FGD4: variants seen among roughly 807,000 people sequenced by gnomAD.
FGD4 encodes the protein FYVE, RhoGEF and PH domain containing 4, also known as FYVE, RhoGEF and PH domain-containing protein 4.
Under a neutral mutation model 102.0 loss-of-function variants are expected in FGD4, and 42 were observed. That is an observed-to-expected ratio of 0.41 (90% CI 0.32 to 0.53). The LOEUF (loss-of-function observed/expected upper bound fraction) is 0.53, where lower values mean the gene tolerates loss of function less well. Among genes scored for constraint, FGD4 ranks in the 20% least tolerant of loss-of-function variants. The probability of loss-of-function intolerance (pLI) is 0.21; values close to 1 mark genes in which losing one functional copy is unlikely to be tolerated. For missense variants in FGD4, 902 were observed against 1,078.2 expected (o/e 0.84, Z 2.29); for synonymous variants, 380 against 375.7 (o/e 1.01, Z -0.13).
At chr12:32,526,874 A>G (rs766946804) in intron 1 of FGD4, among the ~76,000 whole-genome samples, 2 of 152,214 alleles carry the variant, frequency 1.3e-5, no homozygotes, top group Non-Finnish European at 2.9e-5. Context: ...TCTTGAAGTC[A>G]GTGAGACCAA....
chr12:32,590,669 A>G (rs1329987875), intron 4 of FGD4, among the ~76,000 whole-genome samples: 1 of 152,176 alleles, frequency 6.6e-6, no homozygotes, highest in Admixed American at 6.5e-5. Flanking sequence ...TCATGATGGC[A>G]CAGCTTCCTC....
chr12:32,409,350 G>A (rs1253442306), intron 1 of FGD4, among the ~76,000 whole-genome samples: 3 of 143,118 alleles, frequency 2.1e-5, no homozygotes, highest in Non-Finnish European at 4.5e-5. Context: ...GTGCAATGGT[G>A]CGATCTCCGC....
chr12:32,462,631 G>A (rs1378716765), intron 1 of FGD4, among the ~76,000 whole-genome samples: 1 of 152,160 alleles, frequency 6.6e-6, no homozygotes, highest in East Asian at 1.9e-4. Flanking sequence ...ATGCCTTAGA[G>A]AAAAAGATAA....
In FGD4 at chr12:32,564,986, T is replaced by C. The variant is rs184852594; in HGVS notation, c.319+697T>C. On this transcript the variant is annotated intron_variant, in intron 2 of 16. Transcript: ENST00000534526. ...AAAGCTAAGCTACCCTACAGTTTAA[T>C]GTGTAGTTTCTTCCTTACAGATTTT... Among the ~76,000 whole-genome samples, 295 of 152,358 alleles carry C rather than the reference T, an allele frequency of 1.9e-3. 2 individuals carry two copies. Among genetic ancestry groups the C allele is most frequent in the African/African-American group, 6.9e-3 (286 of 41,586 alleles).
chr12:32,602,441 C>A, intron 7 of FGD4, 124 bp downstream of exon 7: 2 of 1,072,344 alleles, frequency 1.9e-6, no homozygotes, highest in Non-Finnish European at 2.8e-6. Flanking sequence ...CATTCTACTC[C>A]AAATTATGCA....
intron 5 of FGD4, chr12:32,600,588 C>CTTTTTTTTTTTTTTTTTTTTTTTTTT (rs1245510421): frequency 3.9e-6 from 1 of 256,624 alleles, no homozygotes; most frequent in African/African-American, 3.6e-5. Context: ...TTCTTTCTTT[C>CTTTTTTTTTTTTTTTTTTTTTTTTTT]TTTCTTTTTT....
Position 32,399,839 on chromosome 12 carries a change from CG to C in FGD4, c.48del (p.Lys17SerfsTer25). ...CAACTTCAGGCGGGTGGCGATCCGG[CG>C]GAAGTCCAACCCCTCCTACCTGCCG... is the stretch of plus-strand genomic sequence containing the variant. ...GSNFRRVAIR[R>X]KSNPSYLPPG... On this transcript the variant is annotated frameshift_variant, in exon 1 of 17. Coordinates refer to ENST00000534526, the MANE Select transcript of FGD4 (RefSeq NM_001370298.3). LOFTEE classifies it high-confidence loss of function. The C allele has an allele frequency of 1.3e-6, 2 of 1,531,506 alleles. No homozygotes were observed. The highest frequency in any genetic ancestry group is 1.7e-6 in the Non-Finnish European group (2 of 1,145,364). 94.9% of individuals were successfully genotyped at this position (1,531,506 alleles called of 1,614,324 possible).
chr12:32,565,502 G>A (rs1319794910), intron 2 of FGD4, among the ~76,000 whole-genome samples: 10 of 152,078 alleles, frequency 6.6e-5, no homozygotes, highest in East Asian at 3.8e-4. Flanking sequence ...CATTAGACCC[G>A]AGTTGACAAA....
chr12:32,462,716 G>C (rs1028061905), intron 1 of FGD4, among the ~76,000 whole-genome samples: 8 of 152,182 alleles, frequency 5.3e-5, no homozygotes, highest in South Asian at 2.1e-4. Flanking sequence ...CCAAGGGCCA[G>C]ATTCAAAGTG....
rs1187458075 is a variant in FGD4, at chr12:32,635,753, G to A, written c.2313+2064G>A. Among the ~76,000 whole-genome samples, 7 of 152,102 alleles carry A rather than the reference G, an allele frequency of 4.6e-5. No homozygotes were observed. The East Asian group carries it at 1.3e-3, about 29-fold the overall frequency. ...GGATCAGCTGGGCGCAGTGGCTCAT[G>A]CCTGTAATCCCAGCACTTTGGGAGG... On this transcript the variant is annotated intron_variant, in intron 15 of 16. Coordinates refer to ENST00000534526, the MANE Select transcript of FGD4 (RefSeq NM_001370298.3).
chr12:32,481,593 C>A (rs546427412), intron 1 of FGD4, among the ~76,000 whole-genome samples: 2 of 152,118 alleles, frequency 1.3e-5, no homozygotes, highest in African/African-American at 4.8e-5. Context: ...GAAGCTGAGG[C>A]GGGTGGATCA....
At chr12:32,510,228 G>A (rs148026832) in intron 1 of FGD4, among the ~76,000 whole-genome samples, 21 of 152,296 alleles carry the variant, frequency 1.4e-4, no homozygotes, top group African/African-American at 3.6e-4. Context: ...AGCTAGTAAC[G>A]TTCAACAATA....
intron 1 of FGD4, among the ~76,000 whole-genome samples, chr12:32,443,748 A>C (rs1013319961): frequency 1.3e-5 from 2 of 150,982 alleles, no homozygotes; most frequent in South Asian, 2.1e-4. Flanking sequence ...ATGGGATATC[A>C]CTATGTTGCC....
intron 1 of FGD4, among the ~76,000 whole-genome samples, chr12:32,414,159 A>T (rs1329906476): frequency 2.6e-5 from 4 of 151,970 alleles, no homozygotes; most frequent in African/African-American, 9.7e-5. Flanking sequence ...TTTAGTAGAG[A>T]CAGTGTTTCA....
chr12:32,638,595 G>A, intron 15 of FGD4, 60 bp from the exon 16 acceptor site: 2 of 1,599,526 alleles, frequency 1.3e-6, no homozygotes, highest in East Asian at 2.2e-5. Flanking sequence ...TGTACTTTGT[G>A]AATATTTCTC....
intron 1 of FGD4, among the ~76,000 whole-genome samples, chr12:32,538,894 G>C (rs1942547193): frequency 6.6e-6 from 1 of 151,976 alleles, no homozygotes; most frequent in African/African-American, 2.4e-5. Context: ...CTCTAGTAAA[G>C]ATACAAAAAA....
intron 8 of FGD4, among the ~76,000 whole-genome samples, chr12:32,608,734 A>C (rs1322289348): frequency 1.3e-5 from 2 of 152,212 alleles, no homozygotes; most frequent in African/African-American, 4.8e-5. Context: ...AATTTAAGAA[A>C]TAACAGTGGC....
chr12:32,564,354 A>G (rs1317479170), intron 2 of FGD4, 65 bp downstream of exon 2: 3 of 1,492,780 alleles, frequency 2.0e-6, no homozygotes, highest in East Asian at 5.0e-5. Context: ...CTAACCAGAA[A>G]AATGATGGCC....
At chr12:32,424,585 C>T (rs547792026) in intron 1 of FGD4, among the ~76,000 whole-genome samples, 5 of 152,178 alleles carry the variant, frequency 3.3e-5, no homozygotes, top group South Asian at 2.1e-4. Flanking sequence ...GGTATATGCC[C>T]GATAATGGGA....
Sources: gnomAD v4.1 joint callset for allele counts (sites outside exome capture counted in the v4.1 genomes callset) on GRCh38, gnomAD v4.1.1 for gene constraint, MANE v1.5 for transcripts, NCBI Gene and HGNC (gene_info 2026-07-23, HGNC 2026-07-21) for gene names.